The following PLEKHH2 variants were observed in gnomAD, a reference collection of about 807,000 sequenced individuals.
PLEKHH2 encodes the protein pleckstrin homology, MyTH4 and FERM domain containing H2.
A neutral mutation model predicts 187.9 loss-of-function variants in PLEKHH2; 129 were observed. The ratio of observed to expected loss-of-function variants is 0.69; its 90% CI spans 0.59 to 0.79. PLEKHH2 has a LOEUF of 0.79. PLEKHH2 is among the 30% of genes least tolerant of loss of function. The pLI, the probability that PLEKHH2 is intolerant of heterozygous loss-of-function variation, is 0.00. For missense variants in PLEKHH2, 2,076 were observed against 1,751.2 expected, an observed-to-expected ratio of 1.19 and a Z score of -3.31; for synonymous variants, 686 against 605.6, an observed-to-expected ratio of 1.13 and a Z score of -1.95.
intron 4 of PLEKHH2, 143 bp downstream of exon 4, chr2:43,692,806 A>G: frequency 1.1e-6 from 1 of 923,076 alleles, no homozygotes; most frequent in Non-Finnish European, 1.6e-6. Context: ...CATCACATTT[A>G]TTGGTGAAAG....
chr2:43,686,555 C>G (rs945924247), intron 3 of PLEKHH2, among the ~76,000 whole-genome samples: 2 of 152,290 alleles, frequency 1.3e-5, no homozygotes, highest in African/African-American at 4.8e-5. Context: ...ATATCCATGA[C>G]CTTGTAATGG....
chr2:43,685,207 T>G (rs1221866710), intron 3 of PLEKHH2, among the ~76,000 whole-genome samples: 1 of 152,232 alleles, frequency 6.6e-6, no homozygotes, highest in East Asian at 1.9e-4. Flanking sequence ...TGTATTTATC[T>G]TAACCAAAAA....
intron 2 of PLEKHH2, among the ~76,000 whole-genome samples, chr2:43,651,576 T>A (rs1440739921): frequency 6.6e-6 from 1 of 152,196 alleles, no homozygotes; most frequent in African/African-American, 2.4e-5. Flanking sequence ...TGTCTTTTTT[T>A]TTGTATTTGG....
intron 19 of PLEKHH2, among the ~76,000 whole-genome samples, chr2:43,737,588 G>T (rs1339762977): frequency 2.0e-5 from 3 of 152,174 alleles, no homozygotes; most frequent in Non-Finnish European, 2.9e-5. Flanking sequence ...TTGGAATGGG[G>T]CTGGAGGATT....
chr2:43,677,567 G>C (rs887806664), intron 2 of PLEKHH2, among the ~76,000 whole-genome samples: 1 of 151,806 alleles, frequency 6.6e-6, no homozygotes, highest in Non-Finnish European at 1.5e-5. Context: ...TCTTAGTACA[G>C]AACAAAATGA....
At position 43,650,854 on chromosome 2, in the gene PLEKHH2, C is replaced by T. The variant is rs554758304; in HGVS notation, c.123+6058C>T. 2.0e-5 allele frequency among the ~76,000 whole-genome samples: 3 copies of T among 151,990 alleles called. No individual in the cohort carries two copies. In the East Asian group the frequency reaches 5.9e-4, roughly 30 times the overall value. On this transcript the variant is annotated intron_variant, in intron 2 of 29. Coordinates refer to ENST00000282406, the MANE Select transcript of PLEKHH2 (RefSeq NM_172069.4). ...TAGAGACGGGGTTTCACTATGTTGG[C>T]CAGGCTGGTCTTGAACTCCTGACCT... is the stretch of plus-strand genomic sequence containing the variant.
rs1012162588 is a variant in PLEKHH2 at position 43,767,012 on chromosome 2, G to T, written c.*1414G>T. On this transcript the variant is annotated 3_prime_UTR_variant, in exon 30 of 30. Transcript: ENST00000282406. ...TTATTAGGTTATGTAAGTGGTCAGT[G>T]CATTCCAGTATGTGTCACAACAGTG... 2 of 152,708 alleles carry T rather than the reference G, an allele frequency of 1.3e-5. No homozygotes were observed. The highest frequency in any genetic ancestry group is 4.8e-5 in the African/African-American group (2 of 41,412). 9.5% of individuals were successfully genotyped at this position (152,708 alleles called of 1,614,324 possible). A position where few individuals can be genotyped will look rare whatever the true frequency, so the allele number is the denominator to read the frequency against.
intron 25 of PLEKHH2, among the ~76,000 whole-genome samples, chr2:43,755,187 G>A (rs1012418146): frequency 6.6e-6 from 1 of 151,936 alleles, no homozygotes; most frequent in Non-Finnish European, 1.5e-5. Context: ...TCAGCATATT[G>A]AAAACCAAAC....
intron 3 of PLEKHH2, among the ~76,000 whole-genome samples, chr2:43,682,589 G>A (rs540991421): frequency 6.6e-6 from 1 of 152,278 alleles, no homozygotes; most frequent in East Asian, 1.9e-4. Context: ...ACAGGCATGA[G>A]CCACCGTGCC....
chr2:43,648,797 C>G (rs1334033285), intron 2 of PLEKHH2, among the ~76,000 whole-genome samples: 3 of 151,480 alleles, frequency 2.0e-5, no homozygotes, highest in Non-Finnish European at 2.9e-5. Flanking sequence ...CCAGGCTGGT[C>G]TTGAACTCCT....
At chr2:43,645,571 A>G (rs1666144395) in intron 2 of PLEKHH2, among the ~76,000 whole-genome samples, 1 of 152,196 alleles carries the variant, frequency 6.6e-6, no homozygotes, top group Non-Finnish European at 1.5e-5. Flanking sequence ...TTGTAAAAGT[A>G]GAATAAATAC....
At position 43,726,400 on chromosome 2, in the gene PLEKHH2, T is replaced by A. The variant is rs566115800; in HGVS notation, c.2670T>A (p.His890Gln). The stretch of plus-strand genomic sequence containing the variant: ...CCACACATTATACTATCGTTATCCA[T>A]CCCAAAGACCAAGGTCCAACTTACC... ...LLSTHYTIVI[H>Q]PKDQGPTYLL... is the part of the protein sequence containing the mutation. Residue 890 changes from histidine to glutamine, a missense_variant, in exon 17 of 30, where the codon CAT (histidine) becomes CAA (glutamine). Transcript: ENST00000282406. The A allele has an allele frequency of 1.2e-6, 2 of 1,611,894 alleles. No individual in the cohort carries two copies. Among genetic ancestry groups the A allele is most frequent in the East Asian group, 2.2e-5 (1 of 44,850 alleles).
At chr2:43,740,882 T>C in intron 20 of PLEKHH2, 64 bp from the exon 21 acceptor site, 1 of 1,584,856 alleles carries the variant, frequency 6.3e-7, no homozygotes, top group Admixed American at 1.8e-5. Flanking sequence ...CCCATTGCAC[T>C]CACTCAGATG....
rs905840962 is a variant in PLEKHH2 at position 43,720,718 on chromosome 2, C to T, written c.2510C>T (p.Thr837Ile). The change falls in exon 16 of 30, where the codon ACA (threonine) becomes ATA (isoleucine). Residue 837 changes from threonine to isoleucine, a missense_variant. Physicochemically the swap from Thr to Ile is moderately conservative, Grantham distance 89. Transcript: ENST00000282406. Reference sequence around the variant, plus strand: ...GTCTGGTGTACACTAATAGGAAAGACATTATATTATTTTCGGAGTCAAGAA... The same window carrying T: ...GTCTGGTGTACACTAATAGGAAAGATATTATATTATTTTCGGAGTCAAGAA... ...KRVWCTLIGK[T>I]LYYFRSQEDK... The T allele has an allele frequency of 9.9e-6, 16 of 1,608,256 alleles. No homozygotes were observed. The highest frequency in any genetic ancestry group is 1.2e-5 in the Non-Finnish European group (14 of 1,178,306).
intron 3 of PLEKHH2, among the ~76,000 whole-genome samples, chr2:43,688,026 C>T (rs2104453581): frequency 6.6e-6 from 1 of 152,284 alleles, no homozygotes; most frequent in East Asian, 1.9e-4. Context: ...GCCTCAAACT[C>T]CTGGGCTCAA....
chr2:43,643,672 T>C (rs988562934), intron 1 of PLEKHH2, among the ~76,000 whole-genome samples: 4 of 152,140 alleles, frequency 2.6e-5, no homozygotes, highest in African/African-American at 9.7e-5. Context: ...GTCACCGTTC[T>C]TCATAACTGA....
At chr2:43,726,500 T>A (rs750744528) in intron 17 of PLEKHH2, 49 bp downstream of exon 17, 1 of 1,455,426 alleles carries the variant, frequency 6.9e-7, no homozygotes, top group South Asian at 1.2e-5. Context: ...ACTAATATTA[T>A]TCAGATATTG....
intron 16 of PLEKHH2, among the ~76,000 whole-genome samples, chr2:43,724,408 A>G (rs529834346): frequency 4.8e-4 from 73 of 152,338 alleles, no homozygotes; most frequent in Non-Finnish European, 1.0e-3. Context: ...AATATTTTAG[A>G]AGTTATAAAT....
Position 43,675,805 on chromosome 2 carries a change from A to C in PLEKHH2, c.124-3058A>C. 6.2e-7 allele frequency: 1 copy of C among 1,613,920 alleles called. No homozygotes were observed. The highest frequency in any genetic ancestry group is 1.6e-4 in the Middle Eastern group (1 of 6,062). On this transcript the variant is annotated intron_variant, in intron 2 of 29. Transcript: ENST00000282406. Reference sequence around the variant, plus strand: ...CACAGTCACGTATTCGAGGTCTCCAAATATAACAGTGTGGCCCAGATAGAA... The same window carrying C: ...CACAGTCACGTATTCGAGGTCTCCACATATAACAGTGTGGCCCAGATAGAA...
Sources: allele counts gnomAD v4.1 joint callset (sites outside exome capture counted in the v4.1 genomes callset), GRCh38; gene constraint gnomAD v4.1.1; transcripts MANE v1.5; gene names NCBI Gene and HGNC (gene_info 2026-07-23, HGNC 2026-07-21).